CACNA2D3: variants seen among roughly 807,000 people sequenced by gnomAD.
CACNA2D3 encodes the protein calcium voltage-gated channel auxiliary subunit alpha2delta 3, also known as voltage-dependent calcium channel subunit alpha-2/delta-3.
In CACNA2D3, 60 loss-of-function variants were observed where a neutral mutation model predicts 160.6. The ratio of observed to expected loss-of-function variants is 0.37; its 90% CI spans 0.30 to 0.46. CACNA2D3 has a LOEUF of 0.46. Ranked by LOEUF, CACNA2D3 falls within the 20% of genes least tolerant of loss-of-function variation. CACNA2D3 has a pLI of 1.00. For missense variants in CACNA2D3, 1,205 were observed against 1,365.0 expected, an observed-to-expected ratio of 0.88 and a Z score of 1.85; for synonymous variants, 558 against 492.9, an observed-to-expected ratio of 1.13 and a Z score of -1.75.
intron 17 of CACNA2D3, among the ~76,000 whole-genome samples, chr3:54,847,334 C>T (rs868332065): frequency 2.1e-5 from 3 of 144,282 alleles, no homozygotes; most frequent in Admixed American, 7.1e-5. Context: ...AAGTGTAGAT[C>T]GTTTTCTTTA....
At position 54,995,588 on chromosome 3, in the gene CACNA2D3, CA is replaced by C. The variant is rs1020293209; in HGVS notation, c.2690+7839del. Among the ~76,000 whole-genome samples the C allele has an allele frequency of 3.9e-5, 6 of 152,260 alleles. No homozygotes were observed. The South Asian group carries it at 1.0e-3, about 26-fold the overall frequency. On this transcript the variant is annotated intron_variant, in intron 31 of 37. Coordinates refer to ENST00000474759, the MANE Select transcript of CACNA2D3 (RefSeq NM_018398.3). ...TGCAAAAGAAGAGTTCAGGGAGTTC[CA>C]AAAGCTCCAAAAGGCCAAGTTTCAA... is the stretch of plus-strand genomic sequence containing the variant.
chr3:54,333,574 A>G lies in CACNA2D3; in HGVS notation c.321+13016A>G, dbSNP rs550935740. Among the ~76,000 whole-genome samples, 7 of 151,124 alleles carry G rather than the reference A, an allele frequency of 4.6e-5. No individual in the cohort carries two copies. In the East Asian group the frequency reaches 1.4e-3, roughly 30 times the overall value. ...TCTTCCAGCCAAATGCGCTCTGGAG[A>G]CTGGAGAGCACAAATCTTTTGTACA... On this transcript the variant is annotated intron_variant, in intron 3 of 37. Transcript: ENST00000474759.
chr3:54,126,095 T>G (rs1024526011), intron 2 of CACNA2D3, among the ~76,000 whole-genome samples: 3 of 152,250 alleles, frequency 2.0e-5, no homozygotes, highest in African/African-American at 7.2e-5. Context: ...TTCAGTTAAG[T>G]AAGGTGTGCT....
chr3:54,583,726 G>A (rs1702715669), intron 9 of CACNA2D3, among the ~76,000 whole-genome samples: 1 of 152,040 alleles, frequency 6.6e-6, no homozygotes, highest in South Asian at 2.1e-4. Flanking sequence ...TTGGATCTTG[G>A]ATTTTTGGAT....
At chr3:54,557,433 C>G (rs967286115) in intron 5 of CACNA2D3, among the ~76,000 whole-genome samples, 2 of 152,110 alleles carry the variant, frequency 1.3e-5, no homozygotes, top group African/African-American at 4.8e-5. Context: ...GGTCTGGACA[C>G]CAAAGAAACC....
chr3:54,226,900 G>C (rs1158981490), intron 2 of CACNA2D3, among the ~76,000 whole-genome samples: 1 of 152,168 alleles, frequency 6.6e-6, no homozygotes, highest in Non-Finnish European at 1.5e-5. Flanking sequence ...ATCTGTACTT[G>C]ATCTAGCTTT....
chr3:55,062,998 G>A (rs905822747), intron 35 of CACNA2D3, among the ~76,000 whole-genome samples: 4 of 152,232 alleles, frequency 2.6e-5, no homozygotes, highest in Admixed American at 6.5e-5. Flanking sequence ...CACACAAATA[G>A]AAAGCTGTGG....
intron 9 of CACNA2D3, among the ~76,000 whole-genome samples, chr3:54,595,245 G>A (rs1017772139): frequency 1.3e-5 from 2 of 151,964 alleles, no homozygotes; most frequent in African/African-American, 4.8e-5. Context: ...GGAATCTCTC[G>A]AGGTTGTTTT....
intron 28 of CACNA2D3, 95 bp downstream of exon 28, chr3:54,968,606 G>T (rs771494026): frequency 3.5e-6 from 3 of 848,708 alleles, no homozygotes; most frequent in Non-Finnish European, 5.8e-6. Flanking sequence ...CCAGATTTCC[G>T]ATGAATGTTT....
At chr3:54,675,661 G>T (rs1449120169) in intron 11 of CACNA2D3, among the ~76,000 whole-genome samples, 2 of 152,138 alleles carry the variant, frequency 1.3e-5, no homozygotes, top group Admixed American at 6.5e-5. Flanking sequence ...CATTCCTGGG[G>T]TGCCACTCAT....
intron 13 of CACNA2D3, among the ~76,000 whole-genome samples, chr3:54,812,191 C>T (rs1703335647): frequency 6.6e-6 from 1 of 152,254 alleles, no homozygotes; most frequent in South Asian, 2.1e-4. Flanking sequence ...TTATGCATAC[C>T]TCATTGGCCA....
chr3:54,764,895 T>C (rs752456522), intron 13 of CACNA2D3, among the ~76,000 whole-genome samples: 14 of 152,194 alleles, frequency 9.2e-5, no homozygotes, highest in Admixed American at 1.3e-4. Context: ...TAAAGCCGAA[T>C]TCTAAACAGC....
intron 35 of CACNA2D3, among the ~76,000 whole-genome samples, chr3:55,061,715 G>A (rs1428496792): frequency 6.6e-6 from 1 of 152,174 alleles, no homozygotes; most frequent in Non-Finnish European, 1.5e-5. Flanking sequence ...GTTTGGAGTA[G>A]AGATAAGAAT....
chr3:54,271,228 T>C (rs1702616237), intron 2 of CACNA2D3, among the ~76,000 whole-genome samples: 1 of 152,078 alleles, frequency 6.6e-6, no homozygotes, highest in Non-Finnish European at 1.5e-5. Context: ...GTCATACTGT[T>C]TTTCTTTTCT....
intron 29 of CACNA2D3, among the ~76,000 whole-genome samples, chr3:54,977,304 T>C (rs907353769): frequency 1.3e-5 from 2 of 152,204 alleles, no homozygotes; most frequent in African/African-American, 4.8e-5. Context: ...TATTTTTTCA[T>C]CTTTCTGCCT....
chr3:54,145,187 T>C (rs6786051), intron 2 of CACNA2D3, among the ~76,000 whole-genome samples: 31,781 of 152,152 alleles, frequency 0.21, 3,525 homozygotes, highest in African/African-American at 0.28. Flanking sequence ...GTCTAATAAA[T>C]TAAGGGTAAC....
intron 4 of CACNA2D3, among the ~76,000 whole-genome samples, chr3:54,419,001 A>G (rs1429931898): frequency 6.6e-6 from 1 of 152,246 alleles, no homozygotes; most frequent in African/African-American, 2.4e-5. Context: ...TCTGGCACTC[A>G]GTAACTATTT....
intron 2 of CACNA2D3, among the ~76,000 whole-genome samples, chr3:54,195,268 A>G (rs1215960552): frequency 2.6e-5 from 4 of 152,128 alleles, no homozygotes; most frequent in East Asian, 1.9e-4. Flanking sequence ...ATCAAGTCCA[A>G]GTTCCTTAAC....
chr3:54,724,849 A>G (rs1701245881), intron 11 of CACNA2D3, among the ~76,000 whole-genome samples: 1 of 151,672 alleles, frequency 6.6e-6, no homozygotes, highest in Non-Finnish European at 1.5e-5. Flanking sequence ...GCTAATATCA[A>G]AATTGAACTA....
Sources: allele counts gnomAD v4.1 joint callset (sites outside exome capture counted in the v4.1 genomes callset), GRCh38; gene constraint gnomAD v4.1.1; transcripts MANE v1.5; gene names NCBI Gene and HGNC (gene_info 2026-07-23, HGNC 2026-07-21).